The following GSDME variants were observed in gnomAD, a reference collection of about 807,000 sequenced individuals.
The protein encoded by GSDME is gasdermin-E.
Under a neutral mutation model 47.5 loss-of-function variants are expected in GSDME, and 44 were observed. That is an observed-to-expected ratio of 0.93 (90% CI 0.73 to 1.19). The LOEUF (loss-of-function observed/expected upper bound fraction) is 1.19, where lower values mean the gene tolerates loss of function less well. GSDME is among the 50% of genes most tolerant of loss of function. The pLI is 0.00. For missense variants in GSDME, 663 were observed against 604.2 expected, an observed-to-expected ratio of 1.10 and a Z score of -1.02; for synonymous variants, 258 against 252.8, an observed-to-expected ratio of 1.02 and a Z score of -0.20.
At chr7:24,738,699 G>C (rs958556334) in intron 3 of GSDME, among the ~76,000 whole-genome samples, 5 of 152,160 alleles carry the variant, frequency 3.3e-5, no homozygotes, top group African/African-American at 7.2e-5. Flanking sequence ...AAGGAACAAG[G>C]CTGGATGAAT....
chr7:24,725,497 C>T lies in GSDME; in HGVS notation c.405-6279G>A, dbSNP rs376661620. On this transcript the variant is annotated intron_variant, in intron 3 of 9. Transcript: ENST00000645220. This position sits in a 1 kb window ranked among gnomAD's most constrained non-coding sequence, Gnocchi z 5.1. The stretch of plus-strand genomic sequence containing the variant: ...AAGGGGTTTATTCGGCCGGGAGCGT[C>T]GGCAAGACTCCTGTCTCAAGAGCCA... 3.3e-3 allele frequency among the ~76,000 whole-genome samples: 501 copies of T among 152,218 alleles called. 3 individuals are homozygous for T. The highest frequency in any genetic ancestry group is 0.011 in the African/African-American group (469 of 41,524).
At chr7:24,708,800 C>T (rs1479854268) in intron 6 of GSDME, among the ~76,000 whole-genome samples, 3 of 152,228 alleles carry the variant, frequency 2.0e-5, no homozygotes, top group Non-Finnish European at 4.4e-5. Flanking sequence ...TTTGCTTCTT[C>T]ATGAGTCCTC....
At chr7:24,762,299 T>C (rs966583290), upstream of GSDME, among the ~76,000 whole-genome samples, 1 of 150,934 alleles carries the variant, frequency 6.6e-6, no homozygotes, top group African/African-American at 2.4e-5. Flanking sequence ...TAAACAAAGT[T>C]AGTAAAAACT....
At chr7:24,794,183 C>CCT in the GSDME span, among the ~76,000 whole-genome samples, 2 of 149,422 alleles carry the variant, frequency 1.3e-5, no homozygotes, top group Non-Finnish European at 3.0e-5. Context: ...TCTGTCTCTT[C>CCT]CTCTCTCTCT....
rs1788761605 is a variant in GSDME at position 24,699,243 on chromosome 7, T to C, written c.1274A>G (p.Asp425Gly). 1.2e-6 allele frequency: 2 copies of C among 1,612,654 alleles called. No individual in the cohort carries two copies. The highest frequency in any genetic ancestry group is 2.2e-5 in the South Asian group (2 of 90,944). Residue 425 changes from aspartate to glycine, a missense_variant, in exon 10 of 10, where the codon GAT becomes GGT. By Grantham distance (94) the Asp-to-Gly change is moderately conservative. Coordinates refer to ENST00000645220, the MANE Select transcript of GSDME (RefSeq NM_001127453.2). The part of the protein sequence containing the change: ...TLCHLLRALS[D>G]DGVSDLEDPT... ...GTCTTCAAGATCAGATACTCCATCA[T>C]CAGACAGAGCACGAAGCTGAAATGA...
At chr7:24,748,590 A>G (rs4722385) in intron 2 of GSDME, among the ~76,000 whole-genome samples, 20,356 of 152,154 alleles carry the variant, frequency 0.13, 1,447 homozygotes, top group Middle Eastern at 0.21. Flanking sequence ...ATCCCTTTCT[A>G]TATTTTATAC....
chr7:24,701,706 C>G (rs1174992041), intron 9 of GSDME, among the ~76,000 whole-genome samples: 1 of 152,194 alleles, frequency 6.6e-6, no homozygotes, highest in Non-Finnish European at 1.5e-5. Flanking sequence ...CAGCCTTTAC[C>G]CTCAGCTGGC....
Position 24,714,700 on chromosome 7 carries a change from CTGTG to C in GSDME, c.697+2550_697+2553del, listed in dbSNP as rs1220104885. ...ACAGGAGAGCCCTGCCAGAACAAGG[CTGTG>C]TGTCTTTCAAACCCCATCTGAGAAA... On this transcript the variant is annotated intron_variant, in intron 5 of 9. Coordinates refer to ENST00000645220, the MANE Select transcript of GSDME (RefSeq NM_001127453.2). This position sits in a 1 kb window ranked among gnomAD's most constrained non-coding sequence, Gnocchi z 5.0. 1.3e-5 allele frequency among the ~76,000 whole-genome samples: 2 copies of C among 152,178 alleles called. 1 individual carries two copies. Among genetic ancestry groups the C allele is most frequent in the Non-Finnish European group, 2.9e-5 (2 of 68,024 alleles).
chr7:24,712,084 G>C lies in GSDME; in HGVS notation c.698-1696C>G, dbSNP rs1233130833. Among the ~76,000 whole-genome samples the C allele has an allele frequency of 6.6e-6, 1 of 152,176 alleles. No homozygotes were observed. The highest frequency in any genetic ancestry group is 1.5e-5 in the Non-Finnish European group (1 of 68,038). The stretch of plus-strand genomic sequence containing the variant: ...TGAGTATTAGCAAATATTTTCATTT[G>C]CTTGTGGGCATTAATGATGCTCATA... On this transcript the variant is annotated intron_variant, in intron 5 of 9. Transcript: ENST00000645220. This position sits in a 1 kb window ranked among gnomAD's most constrained non-coding sequence, Gnocchi z 4.4.
At chr7:24,757,617 C>T (rs1347540445), upstream of GSDME, 1 of 152,264 alleles carries the variant, frequency 6.6e-6, no homozygotes, top group South Asian at 2.1e-4. The surrounding 1 kb of genome is among the most constrained non-coding windows in gnomAD (Gnocchi z 5.9). Context: ...CAGAGAGAGC[C>T]GCTTCCCCTC....
At chr7:24,783,808 C>A in the GSDME span, among the ~76,000 whole-genome samples, 1 of 151,986 alleles carries the variant, frequency 6.6e-6, no homozygotes, top group Non-Finnish European at 1.5e-5. Flanking sequence ...TAGAATTACT[C>A]CCAGGCTCCT....
At chr7:24,723,759 G>A (rs1789874807) in intron 3 of GSDME, among the ~76,000 whole-genome samples, 1 of 152,202 alleles carries the variant, frequency 6.6e-6, no homozygotes, top group Non-Finnish European at 1.5e-5. Flanking sequence ...GCTGTACTAG[G>A]AATTGAATCT....
intron 1 of GSDME, among the ~76,000 whole-genome samples, chr7:24,752,903 G>A (rs1790900798): frequency 6.6e-6 from 1 of 152,198 alleles, no homozygotes; most frequent in Non-Finnish European, 1.5e-5. Flanking sequence ...CCCATCTGCT[G>A]TGGGTGGGAA....
chr7:24,746,144 C>A (rs1261363865), intron 2 of GSDME, among the ~76,000 whole-genome samples: 2 of 152,206 alleles, frequency 1.3e-5, no homozygotes, highest in Non-Finnish European at 2.9e-5. Flanking sequence ...AATCACCATT[C>A]AATCACCTTT....
the GSDME span, among the ~76,000 whole-genome samples, chr7:24,777,813 G>A: frequency 2.0e-4 from 31 of 152,108 alleles, no homozygotes; most frequent in African/African-American, 3.6e-4. Flanking sequence ...CAGGAGGATC[G>A]CTTGAGCCCA....
At position 24,744,922 on chromosome 7, in the gene GSDME, A is replaced by G. The variant is rs1002661939; in HGVS notation, c.212-168T>C. ...TGTGTGGGCAAGAAAACAGGGCAGC[A>G]CGTGTGTGTGTGTGTGTGTGTGTGT... On this transcript the variant is annotated intron_variant, in intron 2 of 9. Transcript: ENST00000645220. This position sits in a 1 kb window ranked among gnomAD's most constrained non-coding sequence, Gnocchi z 4.5. Among the ~76,000 whole-genome samples the G allele has an allele frequency of 3.5e-3, 167 of 47,746 alleles. No individual in the cohort carries two copies. The highest frequency in any genetic ancestry group is 7.0e-3 in the Admixed American group (32 of 4,572). The allele number at this position is 47,746 out of a possible 152,430, so 31.3% of individuals were successfully genotyped here. A position where few individuals can be genotyped will look rare whatever the true frequency, so the allele number is the denominator to read the frequency against.
chr7:24,790,572 G>A, the GSDME span, among the ~76,000 whole-genome samples: 1 of 152,192 alleles, frequency 6.6e-6, no homozygotes, highest in African/African-American at 2.4e-5. The surrounding 1 kb of genome is among the most constrained non-coding windows in gnomAD (Gnocchi z 4.1). Context: ...GTATAATCTG[G>A]TGGGGGCTGT....
rs371635660 is a variant in GSDME, at chr7:24,744,770, C to A, written c.212-16G>T. On this transcript the variant is annotated splice_polypyrimidine_tract_variant and intron_variant, in intron 2 of 9. Transcript: ENST00000645220. This position sits in a 1 kb window ranked among gnomAD's most constrained non-coding sequence, Gnocchi z 4.5. ...TCCACGACCACTGGAATGGAGGAGA[C>A]GAGCAGAGGAAGCCGATGATGATAA... The A allele has an allele frequency of 1.2e-6, 2 of 1,613,584 alleles. No homozygotes were observed. Among genetic ancestry groups the A allele is most frequent in the South Asian group, 2.2e-5 (2 of 91,058 alleles).
At chr7:24,746,256 T>C (rs749840611) in intron 2 of GSDME, among the ~76,000 whole-genome samples, 1 of 152,180 alleles carries the variant, frequency 6.6e-6, no homozygotes, top group Non-Finnish European at 1.5e-5. Context: ...TAATATCTCA[T>C]GGAAAACAAA....
Sources: allele counts gnomAD v4.1 joint callset (sites outside exome capture counted in the v4.1 genomes callset), GRCh38; gene constraint gnomAD v4.1.1; non-coding constraint Gnocchi (gnomAD v3.1); transcripts MANE v1.5; gene names NCBI Gene and HGNC (gene_info 2026-07-23, HGNC 2026-07-21).